The following CXADR variants were observed in gnomAD, a reference collection of about 807,000 sequenced individuals.
The protein encoded by CXADR is coxsackievirus and adenovirus receptor.
CXADR carries 20 observed loss-of-function variants against 40.3 expected under a neutral mutation model. That is an observed-to-expected ratio of 0.50 (90% CI 0.35 to 0.72). CXADR has a LOEUF of 0.72. CXADR is among the 30% of genes least tolerant of loss of function. The probability of loss-of-function intolerance (pLI) is 0.01; values close to 1 mark genes in which losing one functional copy is unlikely to be tolerated. For synonymous variants in CXADR, 150 were observed against 161.3 expected (o/e 0.93, Z 0.53); for missense variants, 332 against 449.1 (o/e 0.74, Z 2.36).
chr21:17,521,602 C>T (rs974061138), intron 1 of CXADR, among the ~76,000 whole-genome samples: 2 of 152,244 alleles, frequency 1.3e-5, no homozygotes, highest in African/African-American at 4.8e-5. Context: ...GGATTATAGG[C>T]GTGAGCCACC....
At chr21:17,615,880 G>A in the CXADR span, among the ~76,000 whole-genome samples, 1 of 152,176 alleles carries the variant, frequency 6.6e-6, no homozygotes, top group South Asian at 2.1e-4. Flanking sequence ...CTGTGAAATA[G>A]CTTTCAAAAT....
Position 17,566,857 on chromosome 21 carries a change from G to T in CXADR, c.*1165G>T. On this transcript the variant is annotated 3_prime_UTR_variant, in exon 7 of 7. Coordinates refer to ENST00000284878, the MANE Select transcript of CXADR (RefSeq NM_001338.5). ...CTTGGGAGGATGTACAGTTGCTGTT[G>T]TGTGATCAAACATGTCTCTGTGTAG... is the stretch of plus-strand genomic sequence containing the variant. The T allele has an allele frequency of 2.0e-6, 2 of 983,182 alleles. No homozygotes were observed. Among genetic ancestry groups the T allele is most frequent in the Non-Finnish European group, 2.4e-6 (2 of 828,370 alleles). 60.9% of individuals were successfully genotyped at this position (983,182 alleles called of 1,614,324 possible).
chr21:17,518,810 C>G (rs2060493017), intron 1 of CXADR: 3 of 1,566,010 alleles, frequency 1.9e-6, no homozygotes, highest in South Asian at 2.2e-5. Context: ...ACTGTCCCAT[C>G]ATCTTTAATC....
chr21:17,573,236 A>G (rs1198752214), downstream of CXADR, among the ~76,000 whole-genome samples: 2 of 152,222 alleles, frequency 1.3e-5, no homozygotes, highest in Admixed American at 6.5e-5. Flanking sequence ...TACCCATATA[A>G]GCGCATCTCA....
the CXADR span, among the ~76,000 whole-genome samples, chr21:17,623,094 C>A: frequency 2.4e-3 from 372 of 152,152 alleles, 6 homozygotes; most frequent in East Asian, 4.6e-3. Context: ...CATGTGCCAT[C>A]ATGCGCAGCT....
downstream of CXADR, among the ~76,000 whole-genome samples, chr21:17,597,283 T>G (rs932638185): frequency 5.3e-5 from 8 of 152,040 alleles, no homozygotes; most frequent in African/African-American, 1.9e-4. Context: ...ACTTACATTC[T>G]TGCTTAACAA....
intron 7 of CXADR, among the ~76,000 whole-genome samples, chr21:17,588,636 T>TTTC (rs1443802999): frequency 6.6e-6 from 1 of 152,136 alleles, no homozygotes; most frequent in Non-Finnish European, 1.5e-5. Context: ...TATATAAATG[T>TTTC]TTCTGGTTCT....
rs149202137 is a variant in CXADR at position 17,531,164 on chromosome 21, G to A, written c.44-15863G>A. On this transcript the variant is annotated intron_variant, in intron 1 of 6. Coordinates refer to ENST00000284878, the MANE Select transcript of CXADR (RefSeq NM_001338.5). ...AATACAAAGCTTAGTTGGTCGTGGT[G>A]GCAGGGCGCCTATAATCCCAGCTAT... Among the ~76,000 whole-genome samples, 473 of 151,786 alleles carry A rather than the reference G, an allele frequency of 3.1e-3. 2 individuals are homozygous for A. The highest frequency in any genetic ancestry group is 0.011 in the African/African-American group (445 of 41,394).
At chr21:17,565,302 C>T (rs2061190013) in intron 6 of CXADR, 126 bp from the exon 7 acceptor site, 7 of 600,008 alleles carry the variant, frequency 1.2e-5, no homozygotes, top group Middle Eastern at 4.1e-4. Context: ...CACACACACA[C>T]ACACACACAC....
rs2061257832 is a variant in CXADR, at chr21:17,569,552, TC to T, written c.*3862del. The T allele has an allele frequency of 1.0e-6, 1 of 985,194 alleles. No individual in the cohort carries two copies. The highest frequency in any genetic ancestry group is 6.2e-5 in the Admixed American group (1 of 16,252). 61.0% of individuals were successfully genotyped at this position (985,194 alleles called of 1,614,324 possible). A position where few individuals can be genotyped will look rare whatever the true frequency, so the allele number is the denominator to read the frequency against. ...AAATAGACCACAACTGAGCACAAAT[TC>T]CTTTTATAAATGTTATAGAAGCAGG... is the stretch of plus-strand genomic sequence containing the variant. On this transcript the variant is annotated 3_prime_UTR_variant, in exon 7 of 7. Transcript: ENST00000284878.
At chr21:17,608,773 T>A in the CXADR span, 6 of 488,086 alleles carry the variant, frequency 1.2e-5, no homozygotes, top group African/African-American at 2.0e-5. Flanking sequence ...GCCTCCTGTG[T>A]CCAGGCAGTG....
At chr21:17,609,721 C>T in the CXADR span, among the ~76,000 whole-genome samples, 1 of 152,074 alleles carries the variant, frequency 6.6e-6, no homozygotes, top group African/African-American at 2.4e-5. Context: ...ACAGAAATGC[C>T]CATAGCAGTA....
chr21:17,565,963 T>C lies in CXADR; in HGVS notation c.*271T>C. 9.1e-7 allele frequency: 1 copy of C among 1,097,242 alleles called. No homozygotes were observed. The highest frequency in any genetic ancestry group is 1.1e-6 in the Non-Finnish European group (1 of 899,608). 68.0% of individuals were successfully genotyped at this position (1,097,242 alleles called of 1,614,324 possible). On this transcript the variant is annotated 3_prime_UTR_variant, in exon 7 of 7. Transcript: ENST00000284878. Reference sequence around the variant, plus strand: ...AAAGTTTTCTAAATTTATCAGTACCTAAGTAAGATGTAGCGCTTTGAATAT... The same window carrying C: ...AAAGTTTTCTAAATTTATCAGTACCCAAGTAAGATGTAGCGCTTTGAATAT...
intron 6 of CXADR, among the ~76,000 whole-genome samples, chr21:17,564,230 C>T (rs989531437): frequency 2.0e-5 from 3 of 150,884 alleles, no homozygotes; most frequent in African/African-American, 7.3e-5. Context: ...CAGTGACTCA[C>T]GCCTGTAATC....
intron 7 of CXADR, among the ~76,000 whole-genome samples, chr21:17,577,102 C>G (rs115222005): frequency 6.6e-6 from 1 of 151,870 alleles, no homozygotes; most frequent in Non-Finnish European, 1.5e-5. Flanking sequence ...CTGCCAGTAA[C>G]GAGAGTGCCT....
At chr21:17,563,882 A>G (rs1349031134) in intron 6 of CXADR, among the ~76,000 whole-genome samples, 1 of 135,166 alleles carries the variant, frequency 7.4e-6, no homozygotes, top group Non-Finnish European at 1.5e-5. Flanking sequence ...TGGAGCTTGC[A>G]GTGAGCTGAG....
At chr21:17,628,325 A>G in the CXADR span, among the ~76,000 whole-genome samples, 3 of 152,216 alleles carry the variant, frequency 2.0e-5, no homozygotes, top group Non-Finnish European at 4.4e-5. Context: ...GATCTGTAAG[A>G]TAAGTTGGGA....
intron 1 of CXADR, among the ~76,000 whole-genome samples, chr21:17,513,918 A>G (rs1207215064): frequency 6.6e-6 from 1 of 152,198 alleles, no homozygotes; most frequent in Non-Finnish European, 1.5e-5. Flanking sequence ...TTTTGGAGAT[A>G]AGACGGGCTG....
chr21:17,537,091 C>T (rs2060768265), intron 1 of CXADR, among the ~76,000 whole-genome samples: 2 of 152,194 alleles, frequency 1.3e-5, no homozygotes, highest in Non-Finnish European at 2.9e-5. Context: ...TAGAGGTGCT[C>T]TCTGGGGACA....
Sources: gnomAD v4.1 joint callset for allele counts (sites outside exome capture counted in the v4.1 genomes callset) on GRCh38, gnomAD v4.1.1 for gene constraint, MANE v1.5 for transcripts, NCBI Gene and HGNC (gene_info 2026-07-23, HGNC 2026-07-21) for gene names.